NNT: variants seen among roughly 807,000 people sequenced by gnomAD.
NNT encodes the protein nicotinamide nucleotide transhydrogenase, also known as NAD(P) transhydrogenase, mitochondrial.
A neutral mutation model predicts 104.8 loss-of-function variants in NNT; 50 were observed. The observed-to-expected ratio is 0.48, with a 90% confidence interval of 0.38 to 0.60. The LOEUF is 0.60. Among genes scored for constraint, NNT ranks in the 20% least tolerant of loss-of-function variants. The pLI, the probability that NNT is intolerant of heterozygous loss-of-function variation, is 0.00. For synonymous variants in NNT, 461 were observed against 490.4 expected (o/e 0.94, Z 0.79); for missense variants, 1,131 against 1,330.7 (o/e 0.85, Z 2.33).
intron 10 of NNT, 24 bp from the exon 11 acceptor site, chr5:43,649,123 A>G: frequency 1.2e-6 from 2 of 1,612,936 alleles, no homozygotes; most frequent in Non-Finnish European, 1.7e-6. Context: ...CAGCTCAAAC[A>G]CACTCTTTAC....
rs950603747 is a variant in NNT, at chr5:43,705,650, A to G, written c.*1246A>G. 1 of 152,158 alleles carries G rather than the reference A, an allele frequency of 6.6e-6. No homozygotes were observed. Among genetic ancestry groups the G allele is most frequent in the Non-Finnish European group, 1.5e-5 (1 of 67,988 alleles). The allele number at this position is 152,158 out of a possible 1,614,324, so 9.4% of individuals were successfully genotyped here. On this transcript the variant is annotated 3_prime_UTR_variant, in exon 22 of 22. Coordinates refer to ENST00000344920, the MANE Select transcript of NNT (RefSeq NM_182977.3). ...ACATGAAAGACAATCTCTAAACCAGAAAAAGAAGTAGTACAAATTTTGTTA... is the reference window on the plus strand; with the variant it reads ...ACATGAAAGACAATCTCTAAACCAGGAAAAGAAGTAGTACAAATTTTGTTA...
intron 1 of NNT, among the ~76,000 whole-genome samples, chr5:43,607,169 G>A (rs1193329897): frequency 6.6e-6 from 1 of 151,808 alleles, no homozygotes; most frequent in Non-Finnish European, 1.5e-5. Flanking sequence ...ACTCCTGTCA[G>A]GACTCTGAGC....
rs748578749 is a variant in NNT at position 43,619,060 on chromosome 5, C to G, written c.628C>G (p.His210Asp). 10 of 1,550,742 alleles carry G rather than the reference C, an allele frequency of 6.4e-6. No homozygotes were observed. The highest frequency in any genetic ancestry group is 8.7e-6 in the Non-Finnish European group (10 of 1,146,586). Residue 210 changes from histidine to aspartate, a missense_variant, in exon 5 of 22, where the codon CAT becomes GAT. Transcript: ENST00000344920. ...GYKAVVLAAN[H>D]FGRFFTGQIT... ...TAAGGCTGTTGTCCTAGCAGCAAAT[C>G]ATTTTGGACGTTTTTTTACTGGTCA... is the stretch of plus-strand genomic sequence containing the variant.
At position 43,705,863 on chromosome 5, in the gene NNT, T is replaced by C. The variant is rs1264179002; in HGVS notation, c.*1459T>C. The C allele has an allele frequency of 5.3e-5, 8 of 152,068 alleles. No individual in the cohort carries two copies. Among genetic ancestry groups the C allele is most frequent in the Non-Finnish European group, 1.5e-5 (1 of 67,960 alleles). 9.4% of individuals were successfully genotyped at this position (152,068 alleles called of 1,614,324 possible). On this transcript the variant is annotated 3_prime_UTR_variant, in exon 22 of 22. Coordinates refer to ENST00000344920, the MANE Select transcript of NNT (RefSeq NM_182977.3). ...ATAAATGCAATTTGTTAATTGATCTTAGATCACTAGTAAACTCAGGGCTGA... is the reference window on the plus strand; with the variant it reads ...ATAAATGCAATTTGTTAATTGATCTCAGATCACTAGTAAACTCAGGGCTGA...
intron 4 of NNT, among the ~76,000 whole-genome samples, chr5:43,617,174 A>G (rs1388343535): frequency 1.3e-5 from 2 of 152,358 alleles, no homozygotes; most frequent in Non-Finnish European, 2.9e-5. Context: ...TGTATAATGT[A>G]AAGTTTTAAG....
chr5:43,696,753 T>C (rs10059613), intron 19 of NNT, among the ~76,000 whole-genome samples: 11,445 of 152,264 alleles, frequency 0.075, 603 homozygotes, highest in East Asian at 0.2. Flanking sequence ...CTCCACATCA[T>C]GTGGAAGCTA....
At chr5:43,666,618 G>A (rs1315595031) in intron 17 of NNT, 2 of 511,000 alleles carry the variant, frequency 3.9e-6, no homozygotes, top group Non-Finnish European at 6.9e-6. Context: ...GAGAAGGAGA[G>A]GGAGAGGGAG....
intron 10 of NNT, among the ~76,000 whole-genome samples, chr5:43,646,797 T>G (rs1005181716): frequency 6.6e-6 from 1 of 152,222 alleles, no homozygotes; most frequent in African/African-American, 2.4e-5. Context: ...ACTAACATTT[T>G]AAGTTACTCA....
At chr5:43,673,753 T>C (rs1037233179) in intron 17 of NNT, among the ~76,000 whole-genome samples, 10 of 152,196 alleles carry the variant, frequency 6.6e-5, no homozygotes, top group African/African-American at 2.2e-4. Flanking sequence ...GCACTGTGGC[T>C]CATTCATGTA....
intron 19 of NNT, among the ~76,000 whole-genome samples, chr5:43,684,364 T>A (rs1741873390): frequency 1.3e-5 from 2 of 152,116 alleles, no homozygotes; most frequent in African/African-American, 4.8e-5. Context: ...TTCTAGGAAG[T>A]TAAATGAACA....
At position 43,619,070 on chromosome 5, in the gene NNT, G is replaced by A. The variant is rs769414431; in HGVS notation, c.638G>A (p.Arg213His). 1.2e-5 allele frequency: 18 copies of A among 1,550,448 alleles called. No homozygotes were observed. The highest frequency in any genetic ancestry group is 1.8e-5 in the Admixed American group (1 of 56,336). The change falls in exon 5 of 22, where the codon CGT (arginine) becomes CAT (histidine). Residue 213 changes from arginine to histidine, a missense_variant. Arg to His is a conservative substitution (Grantham distance 29). Coordinates refer to ENST00000344920, the MANE Select transcript of NNT (RefSeq NM_182977.3). ...GTCCTAGCAGCAAATCATTTTGGAC[G>A]TTTTTTTACTGGTCAGATCACAGCT... ...AVVLAANHFGRFFTGQITAAG... is the reference protein window; with the variant it reads ...AVVLAANHFGHFFTGQITAAG...
chr5:43,634,301 G>A lies in NNT; in HGVS notation c.964+5914G>A, dbSNP rs16873426. ...CTTTCATATGGAGTGGAAATATAGC[G>A]CAAAAGAATGACTTTCCATAGTAAT... On this transcript the variant is annotated intron_variant, in intron 7 of 21. Transcript: ENST00000344920. Among the ~76,000 whole-genome samples, 547 of 152,224 alleles carry A rather than the reference G, an allele frequency of 3.6e-3. 2 individuals carry two copies. Among genetic ancestry groups the A allele is most frequent in the African/African-American group, 0.013 (533 of 41,530 alleles).
intron 7 of NNT, among the ~76,000 whole-genome samples, chr5:43,630,476 G>C (rs919708321): frequency 6.6e-6 from 1 of 152,098 alleles, no homozygotes; most frequent in Admixed American, 6.6e-5. Context: ...TGTATTTATG[G>C]AATTTTCAGT....
intron 19 of NNT, among the ~76,000 whole-genome samples, chr5:43,679,616 T>C (rs1741596804): frequency 6.6e-6 from 1 of 152,246 alleles, no homozygotes; most frequent in African/African-American, 2.4e-5. Flanking sequence ...AATGAATTTT[T>C]TGTTTCTGAT....
At chr5:43,681,705 T>C (rs903757570) in intron 19 of NNT, among the ~76,000 whole-genome samples, 9 of 152,220 alleles carry the variant, frequency 5.9e-5, no homozygotes, top group African/African-American at 2.2e-4. Flanking sequence ...CGGCCTCAAC[T>C]TCTTTGATTG....
chr5:43,628,423 T>G (rs757852886), intron 7 of NNT, 36 bp downstream of exon 7: 2 of 1,458,550 alleles, frequency 1.4e-6, no homozygotes, highest in African/African-American at 1.4e-5. Context: ...TTAAAAGCAC[T>G]TTTACTCTTT....
chr5:43,672,357 C>A (rs1454802460), intron 17 of NNT, among the ~76,000 whole-genome samples: 1 of 152,190 alleles, frequency 6.6e-6, no homozygotes, highest in Non-Finnish European at 1.5e-5. Flanking sequence ...GGGGGAGAGG[C>A]GCTCTGATTT....
chr5:43,645,214 T>C (rs916902733), intron 9 of NNT, 143 bp from the exon 10 acceptor site: 4 of 424,274 alleles, frequency 9.4e-6, no homozygotes, highest in African/African-American at 8.3e-5. Context: ...TTATGTAAAA[T>C]GATGTTACAA....
chr5:43,615,745 G>C, intron 3 of NNT, 103 bp from the exon 4 acceptor site: 1 of 848,020 alleles, frequency 1.2e-6, no homozygotes, highest in Non-Finnish European at 1.8e-6. Flanking sequence ...TTTATTTCTG[G>C]AGTATTATTT....
Sources: gnomAD v4.1 joint callset for allele counts (sites outside exome capture counted in the v4.1 genomes callset) on GRCh38, gnomAD v4.1.1 for gene constraint, MANE v1.5 for transcripts, NCBI Gene and HGNC (gene_info 2026-07-23, HGNC 2026-07-21) for gene names.